The following CRB1 variants were observed in gnomAD, a reference collection of about 807,000 sequenced individuals.
CRB1 encodes protein crumbs homolog 1.
In CRB1, 83 loss-of-function variants were observed where a neutral mutation model predicts 120.0. The ratio of observed to expected loss-of-function variants is 0.69; its 90% CI spans 0.58 to 0.83. The LOEUF (loss-of-function observed/expected upper bound fraction) is 0.83. Ranked by LOEUF, CRB1 falls within the 40% of genes least tolerant of loss-of-function variation. CRB1 has a pLI of 0.00. For missense variants in CRB1, 1,699 were observed against 1,687.6 expected (o/e 1.01, Z -0.12); for synonymous variants, 625 against 612.5 (o/e 1.02, Z -0.30).
chr1:197,263,417 T>A (rs1654557945), upstream of CRB1, among the ~76,000 whole-genome samples: 1 of 152,176 alleles, frequency 6.6e-6, no homozygotes, highest in Non-Finnish European at 1.5e-5. Context: ...TTATAGATTC[T>A]GGATGTAGGA....
chr1:197,449,155 C>T (rs1665836492), intron 11 of CRB1, among the ~76,000 whole-genome samples: 1 of 152,124 alleles, frequency 6.6e-6, no homozygotes, highest in South Asian at 2.1e-4. Flanking sequence ...ATAGTTATGA[C>T]AGCTGCTTTA....
chr1:197,454,480 G>A (rs1283151542), intron 11 of CRB1, among the ~76,000 whole-genome samples: 3 of 151,852 alleles, frequency 2.0e-5, no homozygotes, highest in Non-Finnish European at 2.9e-5. Context: ...ATTTCTTAAC[G>A]TGAGGTCATT....
At chr1:197,235,606 G>A in the CRB1 span, among the ~76,000 whole-genome samples, 5 of 152,248 alleles carry the variant, frequency 3.3e-5, no homozygotes, top group Middle Eastern at 6.8e-3. Context: ...AGCCATCAGC[G>A]AAACCACCCA....
At chr1:197,202,592 A>G in the CRB1 span, among the ~76,000 whole-genome samples, 1 of 152,212 alleles carries the variant, frequency 6.6e-6, no homozygotes, top group Admixed American at 6.5e-5. Flanking sequence ...TAGAACGTTG[A>G]TGGAAATGTG....
chr1:197,415,641 C>CTTTTTTTTTTTTTT (rs55654070), intron 5 of CRB1, among the ~76,000 whole-genome samples: 6 of 94,010 alleles, frequency 6.4e-5, no homozygotes, highest in Non-Finnish European at 9.7e-5. Context: ...TTTTTCTTTT[C>CTTTTTTTTTTTTTT]TTTTTTTTTT....
intron 5 of CRB1, among the ~76,000 whole-genome samples, chr1:197,362,351 G>A (rs532583059): frequency 2.0e-5 from 3 of 152,118 alleles, no homozygotes; most frequent in East Asian, 3.9e-4. Flanking sequence ...GTTTAGAGGC[G>A]ATTTCTATAT....
chr1:197,321,519 A>T (rs1368611881), intron 1 of CRB1, among the ~76,000 whole-genome samples: 2 of 152,214 alleles, frequency 1.3e-5, no homozygotes, highest in South Asian at 2.1e-4. Flanking sequence ...CCCTGGGATA[A>T]AAACCAATGA....
intron 1 of CRB1, among the ~76,000 whole-genome samples, chr1:197,287,200 T>A (rs1225607231): frequency 1.3e-5 from 2 of 151,886 alleles, no homozygotes; most frequent in African/African-American, 4.8e-5. Flanking sequence ...AACTTGGTAA[T>A]AAAGGGCTTA....
chr1:197,442,249 G>A lies in CRB1; in HGVS notation c.3962G>A (p.Cys1321Tyr), dbSNP rs769995341. Residue 1321 changes from cysteine to tyrosine, a missense_variant, in exon 11 of 12, where the codon TGC becomes TAC. Physicochemically the swap from Cys to Tyr is radical, Grantham distance 194. Transcript: ENST00000367400. ...LCQDLLNKFQ[C>Y]LCDVAFAGER... is the part of the protein sequence containing the mutation. ...CAGGACTTACTCAACAAATTCCAGT[G>A]CCTCTGTGATGTTGCCTTTGCTGGC... 6.2e-7 allele frequency: 1 copy of A among 1,614,206 alleles called. No homozygotes were observed. The highest frequency in any genetic ancestry group is 8.5e-7 in the Non-Finnish European group (1 of 1,180,032).
chr1:197,378,934 T>G (rs531385402), intron 5 of CRB1, among the ~76,000 whole-genome samples: 2 of 152,366 alleles, frequency 1.3e-5, no homozygotes, highest in South Asian at 4.1e-4. Flanking sequence ...TGGATGCTAC[T>G]TTCTTTTGAA....
chr1:197,468,559 G>A (rs1054851117), intron 11 of CRB1, among the ~76,000 whole-genome samples: 4 of 152,100 alleles, frequency 2.6e-5, no homozygotes, highest in South Asian at 2.1e-4. Context: ...AGTGTTACAA[G>A]TGTGTGAGTC....
chr1:197,363,631 G>T (rs911355401), intron 5 of CRB1, among the ~76,000 whole-genome samples: 1 of 152,140 alleles, frequency 6.6e-6, no homozygotes, highest in Non-Finnish European at 1.5e-5. Flanking sequence ...AGGAAGGCAG[G>T]TTTGCAGGCT....
intron 5 of CRB1, among the ~76,000 whole-genome samples, chr1:197,419,087 A>G (rs1296203080): frequency 6.6e-6 from 1 of 152,346 alleles, no homozygotes; most frequent in Admixed American, 6.5e-5. Flanking sequence ...TAACTGGTTT[A>G]ATCTTTAAAA....
At chr1:197,350,101 C>T (rs1450000617) in intron 4 of CRB1, among the ~76,000 whole-genome samples, 2 of 140,184 alleles carry the variant, frequency 1.4e-5, no homozygotes, top group East Asian at 2.0e-4. Context: ...AGCGAGACTC[C>T]GTCTCAAAAA....
At chr1:197,406,162 A>G (rs1663380570) in intron 5 of CRB1, among the ~76,000 whole-genome samples, 1 of 152,228 alleles carries the variant, frequency 6.6e-6, no homozygotes, top group African/African-American at 2.4e-5. Flanking sequence ...AAGATTGAGA[A>G]ATCGGATGGT....
At chr1:197,224,871 G>A in the CRB1 span, among the ~76,000 whole-genome samples, 1 of 151,778 alleles carries the variant, frequency 6.6e-6, no homozygotes, top group Non-Finnish European at 1.5e-5. Context: ...AATTAAATAA[G>A]CATAAAACTA....
chr1:197,291,343 T>A (rs184397809), intron 1 of CRB1, among the ~76,000 whole-genome samples: 20 of 151,988 alleles, frequency 1.3e-4, no homozygotes, highest in African/African-American at 4.6e-4. Context: ...TACGGCACTT[T>A]GCAAGTATTT....
chr1:197,253,878 C>A, the CRB1 span, among the ~76,000 whole-genome samples: 1 of 151,596 alleles, frequency 6.6e-6, no homozygotes, highest in African/African-American at 2.4e-5. Flanking sequence ...TATAAGTAAG[C>A]CAACTGAGAA....
chr1:197,362,629 T>C (rs1660832107), intron 5 of CRB1, among the ~76,000 whole-genome samples: 1 of 152,168 alleles, frequency 6.6e-6, no homozygotes. Context: ...AATGATTTTT[T>C]TTCTCATATT....
Sources: gnomAD v4.1 joint callset for allele counts (sites outside exome capture counted in the v4.1 genomes callset) on GRCh38, gnomAD v4.1.1 for gene constraint, MANE v1.5 for transcripts, NCBI Gene and HGNC (gene_info 2026-07-23, HGNC 2026-07-21) for gene names.